The following L2HGDH variants were observed in gnomAD, a reference collection of about 807,000 sequenced individuals.
L2HGDH encodes the protein L-2-hydroxyglutarate dehydrogenase, mitochondrial.
In L2HGDH, 34 loss-of-function variants were observed where a neutral mutation model predicts 51.5. The observed-to-expected ratio is 0.66, with a 90% confidence interval of 0.50 to 0.88. L2HGDH has a LOEUF of 0.88. Among genes scored for constraint, L2HGDH ranks in the 40% least tolerant of loss-of-function variants. L2HGDH has a pLI of 0.00. For missense variants in L2HGDH, 558 were observed against 571.9 expected (o/e 0.98, Z 0.25); for synonymous variants, 198 against 197.9 (o/e 1.00, Z -0.01).
Position 50,284,065 on chromosome 14 carries a change from A to T in L2HGDH, c.541-32T>A, listed in dbSNP as rs770616080. On this transcript the variant is annotated intron_variant, in intron 4 of 9. Coordinates refer to ENST00000267436, the MANE Select transcript of L2HGDH (RefSeq NM_024884.3). ...CAGAATTATGAAAAGATAACAGATA[A>T]GAGAAATAATACTTGCTAAATAACA... The T allele has an allele frequency of 1.4e-5, 23 of 1,589,626 alleles. No homozygotes were observed. The South Asian group carries it at 2.3e-4, about 16-fold the overall frequency.
Position 50,267,930 on chromosome 14 carries a change from A to C in L2HGDH, c.907-20T>G. On this transcript the variant is annotated intron_variant, in intron 7 of 9. Coordinates refer to ENST00000267436, the MANE Select transcript of L2HGDH (RefSeq NM_024884.3). ...TGGGACCTATAAATTTAACATAGTA[A>C]ATAACAGCCTCATTTCACATTCCAT... 1 of 1,610,618 alleles carries C rather than the reference A, an allele frequency of 6.2e-7. No homozygotes were observed. Among genetic ancestry groups the C allele is most frequent in the East Asian group, 2.2e-5 (1 of 44,866 alleles).
intron 9 of L2HGDH, among the ~76,000 whole-genome samples, chr14:50,252,542 C>T (rs11628296): frequency 0.3 from 45,921 of 151,442 alleles, 8,182 homozygotes; most frequent in Middle Eastern, 0.41. Context: ...ACTTACTTCA[C>T]CTATAAAGAT....
intron 6 of L2HGDH, among the ~76,000 whole-genome samples, chr14:50,278,297 T>C (rs929243173): frequency 1.3e-5 from 2 of 152,218 alleles, no homozygotes; most frequent in African/African-American, 2.4e-5. Flanking sequence ...CTCCATATGC[T>C]TATAATCCTG....
At chr14:50,276,467 C>CT (rs1425007867) in intron 6 of L2HGDH, among the ~76,000 whole-genome samples, 1 of 151,284 alleles carries the variant, frequency 6.6e-6, no homozygotes, top group Non-Finnish European at 1.5e-5. Flanking sequence ...ATTGTGCCCC[C>CT]CCCACCCCAA....
chr14:50,263,460 C>G (rs977205591), intron 9 of L2HGDH, among the ~76,000 whole-genome samples: 3 of 152,174 alleles, frequency 2.0e-5, no homozygotes, highest in African/African-American at 7.2e-5. Flanking sequence ...TAAACGAGGA[C>G]GCTCCCCTAA....
rs189845256 is a variant in L2HGDH, at chr14:50,256,542, C to T, written c.1196+8816G>A. 9.9e-5 allele frequency among the ~76,000 whole-genome samples: 15 copies of T among 151,700 alleles called. No individual in the cohort carries two copies. The East Asian group carries it at 2.9e-3, about 29-fold the overall frequency. ...ACAAAAAAAAAAAAAAAATTAAAAG[C>T]ATTTTTCTAGCACATAGATTTTTTT... On this transcript the variant is annotated intron_variant, in intron 9 of 9. Coordinates refer to ENST00000267436, the MANE Select transcript of L2HGDH (RefSeq NM_024884.3).
Position 50,245,895 on chromosome 14 carries a change from G to A in L2HGDH, c.*1163C>T, listed in dbSNP as rs1170290583. The A allele has an allele frequency of 2.5e-6, 2 of 796,464 alleles. No homozygotes were observed. The highest frequency in any genetic ancestry group is 2.5e-4 in the East Asian group (2 of 7,874). The allele number at this position is 796,464 out of a possible 1,614,324, so 49.3% of individuals were successfully genotyped here. A position where few individuals can be genotyped will look rare whatever the true frequency, so the allele number is the denominator to read the frequency against. ...CCAGCATTTTGGGAGGCTGAGGCAG[G>A]TGGATCACCTGAGGTCAGGAATTCG... On this transcript the variant is annotated 3_prime_UTR_variant, in exon 10 of 10. Transcript: ENST00000267436.
rs1266663688 is a variant in L2HGDH, at chr14:50,243,125, G to T, written c.*3933C>A. 1 of 985,312 alleles carries T rather than the reference G, an allele frequency of 1.0e-6. No homozygotes were observed. Among genetic ancestry groups the T allele is most frequent in the African/African-American group, 1.7e-5 (1 of 57,222 alleles). The allele number at this position is 985,312 out of a possible 1,614,324, so 61.0% of individuals were successfully genotyped here. Reference sequence around the variant, plus strand: ...AAAGTGGAATTCTGCCAACAGTAAAGGCAACTCCCCAAACAGTGCTAATGC... The same window carrying T: ...AAAGTGGAATTCTGCCAACAGTAAATGCAACTCCCCAAACAGTGCTAATGC... On this transcript the variant is annotated 3_prime_UTR_variant, in exon 10 of 10. Coordinates refer to ENST00000267436, the MANE Select transcript of L2HGDH (RefSeq NM_024884.3).
intron 9 of L2HGDH, among the ~76,000 whole-genome samples, chr14:50,256,727 T>C (rs1420059651): frequency 6.6e-6 from 1 of 152,108 alleles, no homozygotes; most frequent in Non-Finnish European, 1.5e-5. Context: ...TATATTCTTT[T>C]TTTCCTTCTC....
chr14:50,251,100 GAAGAAACTCA>G (rs1888322228), intron 9 of L2HGDH, among the ~76,000 whole-genome samples: 1 of 152,154 alleles, frequency 6.6e-6, no homozygotes, highest in South Asian at 2.1e-4. Context: ...TAGCTGTTTT[GAAGAAACTCA>G]AAGAAATTCA....
intron 4 of L2HGDH, among the ~76,000 whole-genome samples, chr14:50,291,171 T>G (rs1199561812): frequency 7.8e-6 from 1 of 127,704 alleles, no homozygotes; most frequent in Non-Finnish European, 1.6e-5. Context: ...GCACTCCAGC[T>G]TGGGGGACAG....
chr14:50,287,760 C>T (rs1475539579), intron 4 of L2HGDH, among the ~76,000 whole-genome samples: 1 of 127,654 alleles, frequency 7.8e-6, no homozygotes, highest in Non-Finnish European at 1.5e-5. Flanking sequence ...TGCAGTGGTG[C>T]GATCTTGGCT....
chr14:50,247,071 C>T lies in L2HGDH; in HGVS notation c.1379G>A (p.Arg460Lys), dbSNP rs780004372. The T allele has an allele frequency of 2.5e-6, 4 of 1,613,388 alleles. No homozygotes were observed. Among genetic ancestry groups the T allele is most frequent in the Non-Finnish European group, 3.4e-6 (4 of 1,179,490 alleles). ...SGMIADEVQQRFEL is the reference protein window; with the variant it reads ...SGMIADEVQQKFEL ...TCCTTTCATTATTTATAATTCAAAT[C>T]TTTGTTGTACTTCATCTGCAATCAT... Residue 460 changes from arginine to lysine, a missense_variant, in exon 10 of 10, where the codon AGA becomes AAA. By Grantham distance (26) the Arg-to-Lys change is conservative (BLOSUM62 2). Around this residue, in one of 3 missense-constraint regions of L2HGDH, gnomAD observed 321 missense variants for 311.8 expected, o/e 1.03. Transcript: ENST00000267436.
chr14:50,276,127 T>C (rs183360776), intron 6 of L2HGDH, among the ~76,000 whole-genome samples: 24 of 152,316 alleles, frequency 1.6e-4, no homozygotes, highest in Admixed American at 1.5e-3. Flanking sequence ...CTCCTGAAGC[T>C]TCTCTTAGTA....
At chr14:50,303,206 G>T (rs1404594292) in intron 1 of L2HGDH, among the ~76,000 whole-genome samples, 189 bp from the exon 2 acceptor site, 1 of 151,710 alleles carries the variant, frequency 6.6e-6, no homozygotes, top group Non-Finnish European at 1.5e-5. Context: ...GGCGGATCAC[G>T]AGGTCAAGAG....
At chr14:50,255,962 C>T (rs2139944179) in intron 9 of L2HGDH, among the ~76,000 whole-genome samples, 1 of 151,464 alleles carries the variant, frequency 6.6e-6, no homozygotes, top group East Asian at 2.0e-4. Flanking sequence ...CAGATCGCAC[C>T]ACTGCACTCC....
rs771141945 is a variant in L2HGDH, at chr14:50,283,832, G to A, written c.703+39C>T. 7.2e-5 allele frequency: 114 copies of A among 1,583,732 alleles called. 1 individual carries two copies. The highest frequency in any genetic ancestry group is 5.9e-4 in the South Asian group (53 of 90,398). On this transcript the variant is annotated intron_variant, in intron 5 of 9. Transcript: ENST00000267436. The stretch of plus-strand genomic sequence containing the variant: ...AGATGCAAAACCCATGGATATGGAG[G>A]GCTGACTATATTCAATAGAAAAGAC...
In L2HGDH at chr14:50,243,270, C is replaced by T. The variant is rs1157754850; in HGVS notation, c.*3788G>A. The T allele has an allele frequency of 1.0e-6, 1 of 985,284 alleles. No homozygotes were observed. 61.0% of individuals were successfully genotyped at this position (985,284 alleles called of 1,614,324 possible). A position where few individuals can be genotyped will look rare whatever the true frequency, so the allele number is the denominator to read the frequency against. ...GTACATCAAGAGTTCCTCACAAACA[C>T]TCTGAAGTTAAAATCTAAAATGCTC... On this transcript the variant is annotated 3_prime_UTR_variant, in exon 10 of 10. Coordinates refer to ENST00000267436, the MANE Select transcript of L2HGDH (RefSeq NM_024884.3).
In L2HGDH at chr14:50,244,385, G is replaced by A; in HGVS notation, c.*2673C>T. ...GGTATTGTACAGACTCAAATGGATT[G>A]AGGACTGCTTCAATTAGGACAATCA... On this transcript the variant is annotated 3_prime_UTR_variant, in exon 10 of 10. Transcript: ENST00000267436. The A allele has an allele frequency of 1.0e-6, 1 of 985,328 alleles. No homozygotes were observed. Among genetic ancestry groups the A allele is most frequent in the Non-Finnish European group, 1.2e-6 (1 of 829,842 alleles). 61.0% of individuals were successfully genotyped at this position (985,328 alleles called of 1,614,324 possible). A position where few individuals can be genotyped will look rare whatever the true frequency, so the allele number is the denominator to read the frequency against.
Sources: allele counts gnomAD v4.1 joint callset (sites outside exome capture counted in the v4.1 genomes callset), GRCh38; gene constraint gnomAD v4.1.1; regional missense constraint gnomAD v4.1.1; transcripts MANE v1.5; gene names NCBI Gene and HGNC (gene_info 2026-07-23, HGNC 2026-07-21).